The following TASL variants were observed in gnomAD, a reference collection of about 807,000 sequenced individuals.
TASL encodes the protein TLR adaptor interacting with endolysosomal SLC15A4.
TASL carries 6 observed loss-of-function variants against 12.9 expected under a neutral mutation model. The observed-to-expected ratio is 0.46, with a 90% confidence interval of 0.25 to 0.92. The LOEUF is 0.92. Among genes scored for constraint, TASL ranks in the 40% least tolerant of loss-of-function variants. TASL has a pLI of 0.17. For synonymous variants in TASL, 85 were observed against 79.3 expected, an observed-to-expected ratio of 1.07 and a Z score of -0.38; for missense variants, 165 against 212.8, an observed-to-expected ratio of 0.78 and a Z score of 1.40.
At position 30,559,249 on chromosome X, in the gene TASL, T is replaced by C. The variant is rs752990657; in HGVS notation, c.*201A>G. The C allele has an allele frequency of 2.2e-5, 8 of 365,154 alleles. No homozygotes were observed. Among genetic ancestry groups the C allele is most frequent in the African/African-American group, 1.3e-4 (5 of 38,849 alleles). The allele number at this position is 365,154 out of a possible 1,213,427, so 30.1% of individuals were successfully genotyped here. Reference sequence around the variant, plus strand: ...ACACACCTCTCTTTGAAATCATTCCTTATGGCTCCTCTTACCATATTCCTT... The same window carrying C: ...ACACACCTCTCTTTGAAATCATTCCCTATGGCTCCTCTTACCATATTCCTT... On this transcript the variant is annotated 3_prime_UTR_variant, in exon 3 of 3. Coordinates refer to ENST00000378962, the MANE Select transcript of TASL (RefSeq NM_025159.3).
chrX:30,568,299 A>G (rs1013344443), intron 2 of TASL, among the ~76,000 whole-genome samples: 6 of 111,137 alleles, frequency 5.4e-5, no homozygotes, highest in African/African-American at 2.0e-4. Context: ...TTTCCTGTAC[A>G]GCTGTTTGTG....
chrX:30,560,483 A>G, intron 2 of TASL, 127 bp from the exon 3 acceptor site: 3 of 488,591 alleles, frequency 6.1e-6, no homozygotes, highest in Non-Finnish European at 1.0e-5. Context: ...AGCTCGTACT[A>G]ATTCTGTGCC....
At chrX:30,575,050 G>C (rs773904461) in intron 2 of TASL, among the ~76,000 whole-genome samples, 1 of 111,328 alleles carries the variant, frequency 9.0e-6, no homozygotes, top group Non-Finnish European at 1.9e-5. Context: ...TCTCAAATTA[G>C]AGAGTCTTGT....
chrX:30,574,415 G>A (rs189088505), intron 2 of TASL, among the ~76,000 whole-genome samples: 2 of 111,861 alleles, frequency 1.8e-5, no homozygotes, highest in Admixed American at 9.5e-5. Context: ...AAATTGACAC[G>A]AGCAAAAGGA....
intron 2 of TASL, among the ~76,000 whole-genome samples, chrX:30,568,965 C>A (rs1220074730): frequency 3.4e-4 from 21 of 61,921 alleles, no homozygotes; most frequent in African/African-American, 1.4e-3. Context: ...TAGACACGTC[C>A]CCAGCAAAAA....
rs1427059996 is a variant in TASL at position 30,560,291 on chromosome X, G to A, written c.65C>T (p.Ser22Phe). The part of the protein sequence containing the change: ...YWNDIHWSCA[S>F]YNEQVAGEKE... ...TTCCCCAGCCACCTGCTCATTATAA[G>A]AGGCACAACTCCAGTGGATGTCATT... is the stretch of plus-strand genomic sequence containing the variant. Residue 22 changes from serine (S) to phenylalanine (F), a missense_variant, in exon 3 of 3, where the codon TCT becomes TTT. Coordinates refer to ENST00000378962, the MANE Select transcript of TASL (RefSeq NM_025159.3). The A allele has an allele frequency of 4.1e-6, 5 of 1,207,902 alleles. No individual in the cohort carries two copies. In the South Asian group the frequency reaches 8.9e-5, roughly 21 times the overall value.
At chrX:30,562,090 G>C (rs192506137) in intron 2 of TASL, among the ~76,000 whole-genome samples, 77 of 112,015 alleles carry the variant, frequency 6.9e-4, no homozygotes, top group Middle Eastern at 4.7e-3. Context: ...GAATATCATT[G>C]TGGAAAATCA....
At chrX:30,576,577 C>T (rs1216666299) in intron 2 of TASL, among the ~76,000 whole-genome samples, 175 bp downstream of exon 2, 3 of 110,952 alleles carry the variant, frequency 2.7e-5, no homozygotes, top group Non-Finnish European at 5.7e-5. Context: ...GGGAAAAAAC[C>T]ATATTTAGTT....
At chrX:30,571,469 A>G (rs1930623212) in intron 2 of TASL, among the ~76,000 whole-genome samples, 1 of 108,766 alleles carries the variant, frequency 9.2e-6, no homozygotes, top group Non-Finnish European at 1.9e-5. Context: ...AAATACAAAA[A>G]ATTAGCAGGG....
chrX:30,576,829 C>T lies in TASL; in HGVS notation c.-79G>A, dbSNP rs1930712917. ...CAAATACTCTTCAATCCTCCAGAAGCTTCTCAAGCTCAGAAACAATCTTCT... is the reference window on the plus strand; with the variant it reads ...CAAATACTCTTCAATCCTCCAGAAGTTTCTCAAGCTCAGAAACAATCTTCT... On this transcript the variant is annotated 5_prime_UTR_variant, in exon 2 of 3. Coordinates refer to ENST00000378962, the MANE Select transcript of TASL (RefSeq NM_025159.3). The T allele has an allele frequency of 8.9e-6, 1 of 112,050 alleles. No individual in the cohort carries two copies. The highest frequency in any genetic ancestry group is 2.8e-4 in the East Asian group (1 of 3,614). The allele number at this position is 112,050 out of a possible 1,213,427, so 9.2% of individuals were successfully genotyped here.
intron 2 of TASL, among the ~76,000 whole-genome samples, chrX:30,572,122 C>T (rs1271354537): frequency 9.0e-6 from 1 of 111,726 alleles, no homozygotes; most frequent in Non-Finnish European, 1.9e-5. Context: ...ATGTTATAGG[C>T]AATTTTAGCC....
intron 2 of TASL, among the ~76,000 whole-genome samples, chrX:30,563,125 C>T (rs769781033): frequency 1.8e-5 from 2 of 111,561 alleles, no homozygotes; most frequent in East Asian, 5.6e-4. Flanking sequence ...CCCCACGTGT[C>T]GTGGGAGGGA....
At position 30,559,752 on chromosome X, in the gene TASL, G is replaced by C. The variant is rs780069492; in HGVS notation, c.604C>G (p.Gln202Glu). Residue 202 changes from glutamine to glutamate, a missense_variant, in exon 3 of 3, where the codon CAG (glutamine) becomes GAG (glutamate). By Grantham distance (29) the Gln-to-Glu change is conservative. Coordinates refer to ENST00000378962, the MANE Select transcript of TASL (RefSeq NM_025159.3). ...AGAACTGCATTAGAAATAGGATTCTGCATTTGCAAGCTGCTTTTCTCTTTG... is the reference window on the plus strand; with the variant it reads ...AGAACTGCATTAGAAATAGGATTCTCCATTTGCAAGCTGCTTTTCTCTTTG... ...SIKEKSSLQMQNPISNAVLNE... is the reference protein window; with the variant it reads ...SIKEKSSLQMENPISNAVLNE... The C allele has an allele frequency of 1.1e-5, 13 of 1,210,807 alleles. No individual in the cohort carries two copies. In the East Asian group the frequency reaches 3.2e-4, roughly 30 times the overall value.
At chrX:30,572,933 C>T (rs1930649683) in intron 2 of TASL, among the ~76,000 whole-genome samples, 1 of 111,820 alleles carries the variant, frequency 8.9e-6, no homozygotes, top group Admixed American at 9.5e-5. Flanking sequence ...CTACCCTTGA[C>T]CTAAGTCAAA....
intron 2 of TASL, among the ~76,000 whole-genome samples, chrX:30,568,981 A>G (rs1930546672): frequency 9.1e-6 from 1 of 109,393 alleles, no homozygotes; most frequent in Non-Finnish European, 1.9e-5. Context: ...AAAAAAAAAA[A>G]AAAAAGGAAA....
At chrX:30,560,614 T>C (rs1430728677) in intron 2 of TASL, among the ~76,000 whole-genome samples, 3 of 106,236 alleles carry the variant, frequency 2.8e-5, no homozygotes, top group Non-Finnish European at 1.9e-5. Flanking sequence ...ATTCCAACAT[T>C]GTATCACTGA....
chrX:30,567,078 C>T (rs1475709510), intron 2 of TASL, among the ~76,000 whole-genome samples: 2 of 110,463 alleles, frequency 1.8e-5, no homozygotes, highest in African/African-American at 6.6e-5. Context: ...CACTTAAACC[C>T]AGGAGTTTGA....
chrX:30,564,790 C>T (rs754931785), intron 2 of TASL, among the ~76,000 whole-genome samples: 7 of 111,982 alleles, frequency 6.3e-5, no homozygotes, highest in Non-Finnish European at 1.3e-4. Context: ...ACAAAGGATA[C>T]AGGAAACAGG....
At chrX:30,568,509 A>G (rs898478854) in intron 2 of TASL, among the ~76,000 whole-genome samples, 1 of 111,034 alleles carries the variant, frequency 9.0e-6, no homozygotes, top group African/African-American at 3.3e-5. Context: ...ACAGACACCA[A>G]TGTAGGTGGG....
Sources: gnomAD v4.1 joint callset for allele counts (sites outside exome capture counted in the v4.1 genomes callset) on GRCh38, gnomAD v4.1.1 for gene constraint, MANE v1.5 for transcripts, NCBI Gene and HGNC (gene_info 2026-07-23, HGNC 2026-07-21) for gene names.